The following HMGB1 variants were observed in gnomAD, a reference collection of about 807,000 sequenced individuals.
HMGB1 encodes the protein high mobility group protein B1.
For missense variants in HMGB1, 79 were observed against 253.5 expected (o/e 0.31, Z 4.67); for synonymous variants, 81 against 84.0 (o/e 0.96, Z 0.19).
At chr13:30,553,159 T>C (rs1304881863) in intron 1 of HMGB1, among the ~76,000 whole-genome samples, 3 of 152,218 alleles carry the variant, frequency 2.0e-5, no homozygotes, top group Non-Finnish European at 4.4e-5. Flanking sequence ...AAGTAGCAGA[T>C]ATTCATAATG....
At chr13:30,471,055 T>G (rs1290542986) in intron 1 of HMGB1, among the ~76,000 whole-genome samples, 1 of 152,148 alleles carries the variant, frequency 6.6e-6, no homozygotes, top group Non-Finnish European at 1.5e-5. Flanking sequence ...CTCAGCTCAC[T>G]GCGACCTCCA....
chr13:30,598,938 G>A (rs1285638577), intron 1 of HMGB1, among the ~76,000 whole-genome samples: 1 of 151,500 alleles, frequency 6.6e-6, no homozygotes, highest in Non-Finnish European at 1.5e-5. Context: ...ATATATATGT[G>A]TATATACATA....
chr13:30,521,562 T>C (rs969902016), intron 1 of HMGB1, among the ~76,000 whole-genome samples: 1 of 152,248 alleles, frequency 6.6e-6, no homozygotes, highest in Non-Finnish European at 1.5e-5. Context: ...TATCCTTTTA[T>C]TGTTGAATAA....
At chr13:30,547,458 G>A (rs1869212545) in intron 1 of HMGB1, among the ~76,000 whole-genome samples, 1 of 152,164 alleles carries the variant, frequency 6.6e-6, no homozygotes, top group African/African-American at 2.4e-5. Context: ...GCCGAGTCAA[G>A]AGCTGAGCCC....
intron 1 of HMGB1, among the ~76,000 whole-genome samples, chr13:30,588,683 A>T (rs1008548896): frequency 1.3e-5 from 2 of 152,102 alleles, no homozygotes; most frequent in African/African-American, 4.8e-5. Flanking sequence ...TTGGGAGGCC[A>T]AGGTGGGTAG....
intron 1 of HMGB1, among the ~76,000 whole-genome samples, chr13:30,498,676 C>T (rs929571821): frequency 6.7e-6 from 1 of 148,240 alleles, no homozygotes; most frequent in African/African-American, 2.5e-5. Flanking sequence ...AAGACGAAGT[C>T]TTGCTTTGTG....
At chr13:30,583,220 C>T (rs138114688) in intron 1 of HMGB1, among the ~76,000 whole-genome samples, 1 of 152,102 alleles carries the variant, frequency 6.6e-6, no homozygotes, top group African/African-American at 2.4e-5. Context: ...TGATTAAACC[C>T]TTCAATGAAT....
chr13:30,594,664 A>G (rs1335866097), intron 1 of HMGB1, among the ~76,000 whole-genome samples: 1 of 152,166 alleles, frequency 6.6e-6, no homozygotes, highest in Non-Finnish European at 1.5e-5. Context: ...TGTGTTTGCT[A>G]TTGTGAACGG....
At chr13:30,608,542 C>T (rs780621045) in intron 1 of HMGB1, among the ~76,000 whole-genome samples, 1 of 152,154 alleles carries the variant, frequency 6.6e-6, no homozygotes, top group East Asian at 1.9e-4. Flanking sequence ...ATAGGAGGGG[C>T]TAACTGATCT....
intron 1 of HMGB1, among the ~76,000 whole-genome samples, chr13:30,606,474 T>C (rs1406528757): frequency 1.3e-5 from 2 of 152,114 alleles, no homozygotes; most frequent in African/African-American, 4.8e-5. Flanking sequence ...AACCAAACAT[T>C]TTATTGATCA....
intron 1 of HMGB1, among the ~76,000 whole-genome samples, chr13:30,549,016 C>T (rs916761684): frequency 6.6e-6 from 1 of 152,072 alleles, no homozygotes; most frequent in Non-Finnish European, 1.5e-5. Flanking sequence ...GAATCAGAGA[C>T]GCTGGGTGCA....
At chr13:30,522,501 G>T (rs1888262638) in intron 1 of HMGB1, among the ~76,000 whole-genome samples, 2 of 152,134 alleles carry the variant, frequency 1.3e-5, no homozygotes, top group Admixed American at 1.3e-4. Context: ...GTCAGGTCAA[G>T]AGTGATGACG....
At chr13:30,482,703 C>A (rs910331922) in intron 1 of HMGB1, among the ~76,000 whole-genome samples, 2 of 152,040 alleles carry the variant, frequency 1.3e-5, no homozygotes, top group East Asian at 3.9e-4. Context: ...CCAAAGGTAG[C>A]AAATGACATT....
chr13:30,585,607 G>T (rs1871110762), intron 1 of HMGB1, among the ~76,000 whole-genome samples: 1 of 151,988 alleles, frequency 6.6e-6, no homozygotes, highest in African/African-American at 2.4e-5. Flanking sequence ...GAACCTGGGA[G>T]GTGGAGGTTG....
intron 1 of HMGB1, among the ~76,000 whole-genome samples, chr13:30,525,062 C>T (rs867602917): frequency 9.9e-5 from 15 of 152,078 alleles, no homozygotes; most frequent in Middle Eastern, 3.2e-3. Context: ...AGTTTAAATC[C>T]GAACTCTGCT....
rs559726687 is a variant in HMGB1, at chr13:30,458,181, A to G, written c.*3176T>C. ...CCCTTTCAGGAGGCGTGTTGTACCA[A>G]GCAGACCTAAATGTGAACTTTCATC... On this transcript the variant is annotated 3_prime_UTR_variant, in exon 5 of 5. Transcript: ENST00000341423. 1.3e-5 allele frequency: 2 copies of G among 152,286 alleles called. No individual in the cohort carries two copies. The highest frequency in any genetic ancestry group is 1.3e-4 in the Admixed American group (2 of 15,298). The allele number at this position is 152,286 out of a possible 1,614,324, so 9.4% of individuals were successfully genotyped here. A position where few individuals can be genotyped will look rare whatever the true frequency, so the allele number is the denominator to read the frequency against.
intron 1 of HMGB1, among the ~76,000 whole-genome samples, chr13:30,596,614 T>C (rs897482721): frequency 3.9e-5 from 6 of 152,210 alleles, no homozygotes; most frequent in Non-Finnish European, 1.5e-5. Flanking sequence ...AAATAGGCAA[T>C]GTAGAAACCC....
rs544820566 is a variant in HMGB1, at chr13:30,519,562, T to C, written c.-14-55868A>G. ...TACAAAAAAAAAAATTAGCCAGGCG[T>C]GGTGGCGGGCGCCTGTAGTCCCAGC... is the stretch of plus-strand genomic sequence containing the variant. On this transcript the variant is annotated intron_variant, in intron 1 of 4. Coordinates refer to the HMGB1 transcript ENST00000405805. Among the ~76,000 whole-genome samples the C allele has an allele frequency of 2.8e-4, 42 of 148,962 alleles. No individual in the cohort carries two copies. In the Middle Eastern group the frequency reaches 0.011, roughly 38 times the overall value.
upstream of HMGB1, among the ~76,000 whole-genome samples, chr13:30,468,656 G>C (rs972273448): frequency 1.3e-5 from 2 of 152,106 alleles, no homozygotes; most frequent in East Asian, 3.8e-4. Flanking sequence ...GACTATATCA[G>C]AGAGAAGAGT....
Sources: allele counts gnomAD v4.1 joint callset (sites outside exome capture counted in the v4.1 genomes callset), GRCh38; gene constraint gnomAD v4.1.1; transcripts MANE v1.5; gene names NCBI Gene and HGNC (gene_info 2026-07-23, HGNC 2026-07-21).